LPP: variants seen among roughly 807,000 people sequenced by gnomAD.
LPP encodes the protein LIM domain containing preferred translocation partner in lipoma, also known as lipoma-preferred partner.
Under a neutral mutation model 60.4 loss-of-function variants are expected in LPP, and 38 were observed. The observed-to-expected ratio is 0.63, with a 90% CI of 0.49 to 0.83. The LOEUF is 0.83. Among genes scored for constraint, LPP ranks in the 40% least tolerant of loss-of-function variants. The pLI, the probability that LPP is intolerant of heterozygous loss-of-function variation, is 0.00. For synonymous variants in LPP, 328 were observed against 290.8 expected, an observed-to-expected ratio of 1.13 and a Z score of -1.30; for missense variants, 902 against 783.6, an observed-to-expected ratio of 1.15 and a Z score of -1.80.
At chr3:188,740,628 A>C (rs1226478714) in intron 8 of LPP, among the ~76,000 whole-genome samples, 1 of 151,854 alleles carries the variant, frequency 6.6e-6, no homozygotes, top group African/African-American at 2.4e-5. Context: ...ATAAGCCTGA[A>C]CTCATAGGGT....
chr3:188,471,452 G>A (rs1261955684), intron 4 of LPP, among the ~76,000 whole-genome samples: 2 of 152,212 alleles, frequency 1.3e-5, no homozygotes, highest in African/African-American at 4.8e-5. Context: ...ATGCAGAGCA[G>A]TAAATGAATT....
intron 2 of LPP, among the ~76,000 whole-genome samples, chr3:188,330,845 A>C (rs959018799): frequency 3.1e-5 from 3 of 96,374 alleles, no homozygotes; most frequent in African/African-American, 7.9e-5. Context: ...GTCAGTAAGT[A>C]AGTAAGTAAG....
intron 3 of LPP, among the ~76,000 whole-genome samples, chr3:188,353,111 C>T (rs1766423209): frequency 6.6e-6 from 1 of 152,096 alleles, no homozygotes; most frequent in South Asian, 2.1e-4. Context: ...TTTTGGAGTA[C>T]TGTATAATGT....
At chr3:188,604,535 T>C (rs1374186300) in intron 6 of LPP, among the ~76,000 whole-genome samples, 1 of 152,072 alleles carries the variant, frequency 6.6e-6, no homozygotes, top group African/African-American at 2.4e-5. Flanking sequence ...CATTAAACTA[T>C]TTAGAGGTGG....
intron 9 of LPP, among the ~76,000 whole-genome samples, chr3:188,785,530 TCC>T: frequency 6.1e-5 from 1 of 16,418 alleles, no homozygotes; most frequent in African/African-American, 4.4e-4. Context: ...ATATATATAT[TCC>T]ATCATATATA....
In LPP at chr3:188,352,922, T is replaced by C. The variant is rs978548378; in HGVS notation, c.-10+11203T>C. On this transcript the variant is annotated intron_variant, in intron 3 of 11. Transcript: ENST00000617246. This position sits in a 1 kb window ranked among gnomAD's most constrained non-coding sequence, Gnocchi z 4.4. ...ACATGTCCATCCACAGAAACTTTTC[T>C]GGGGGAGAATGTTTCTTATCAGATT... Among the ~76,000 whole-genome samples the C allele has an allele frequency of 3.3e-5, 5 of 152,162 alleles. No individual in the cohort carries two copies. The highest frequency in any genetic ancestry group is 7.4e-5 in the Non-Finnish European group (5 of 68,014).
At chr3:188,423,279 T>C (rs921808602) in intron 4 of LPP, among the ~76,000 whole-genome samples, 18 of 151,952 alleles carry the variant, frequency 1.2e-4, no homozygotes, top group Admixed American at 2.0e-4. Context: ...GGACATGAAC[T>C]CATTTTTATG....
chr3:188,452,521 T>C (rs1358978156), intron 4 of LPP, among the ~76,000 whole-genome samples: 1 of 152,184 alleles, frequency 6.6e-6, no homozygotes, highest in African/African-American at 2.4e-5. Context: ...TAGAGTCCTC[T>C]TCTTCTCATT....
At chr3:188,340,106 T>C (rs1224202330) in intron 2 of LPP, among the ~76,000 whole-genome samples, 1 of 152,200 alleles carries the variant, frequency 6.6e-6, no homozygotes, top group East Asian at 1.9e-4. Flanking sequence ...CAAATAGCAA[T>C]TGGGAGGCTA....
intron 1 of LPP, among the ~76,000 whole-genome samples, chr3:188,218,279 G>T (rs1003457663): frequency 6.6e-6 from 1 of 152,182 alleles, no homozygotes; most frequent in Non-Finnish European, 1.5e-5. Flanking sequence ...TTAACAGGCT[G>T]GGCTTTCCTG....
intron 9 of LPP, among the ~76,000 whole-genome samples, chr3:188,804,410 C>T (rs1465629801): frequency 6.6e-6 from 1 of 150,406 alleles, no homozygotes; most frequent in Admixed American, 6.6e-5. Context: ...TGCATGTGGT[C>T]ACTTATAAAT....
chr3:188,668,551 A>G (rs1466529640), intron 7 of LPP, among the ~76,000 whole-genome samples: 2 of 152,222 alleles, frequency 1.3e-5, no homozygotes, highest in African/African-American at 4.8e-5. Flanking sequence ...CCATTATAAC[A>G]GCCGAGATGT....
intron 9 of LPP, among the ~76,000 whole-genome samples, chr3:188,855,533 A>G (rs1413786273): frequency 6.6e-6 from 1 of 152,208 alleles, no homozygotes; most frequent in Non-Finnish European, 1.5e-5. Context: ...GAGGATAGTA[A>G]TGAAATTTGG....
chr3:188,392,896 C>T (rs1578563776), intron 3 of LPP, among the ~76,000 whole-genome samples: 1 of 152,138 alleles, frequency 6.6e-6, no homozygotes, highest in African/African-American at 2.4e-5. Flanking sequence ...AAATGTTGAG[C>T]CTTCACTGAA....
At chr3:188,849,002 G>A (rs1762138464) in intron 9 of LPP, among the ~76,000 whole-genome samples, 1 of 151,614 alleles carries the variant, frequency 6.6e-6, no homozygotes, top group South Asian at 2.1e-4. Flanking sequence ...GGGTGTTGCA[G>A]CAAGTAATAA....
intron 1 of LPP, among the ~76,000 whole-genome samples, chr3:188,222,060 T>C (rs1290926618): frequency 2.6e-5 from 4 of 152,224 alleles, no homozygotes; most frequent in Admixed American, 6.5e-5. Context: ...ATTTTTCTTA[T>C]GGTTGATGGA....
chr3:188,375,954 C>T (rs912312890), intron 3 of LPP, among the ~76,000 whole-genome samples: 2 of 152,172 alleles, frequency 1.3e-5, no homozygotes, highest in Middle Eastern at 3.2e-3. Flanking sequence ...GCCTTCATTT[C>T]ATTATTTACC....
At chr3:188,269,157 G>T (rs568049988) in intron 2 of LPP, among the ~76,000 whole-genome samples, 1 of 152,306 alleles carries the variant, frequency 6.6e-6, no homozygotes, top group Non-Finnish European at 1.5e-5. Context: ...ATACTGTTAA[G>T]GGTTAATAGG....
At chr3:188,563,859 C>T (rs1831439091) in intron 6 of LPP, among the ~76,000 whole-genome samples, 1 of 151,452 alleles carries the variant, frequency 6.6e-6, no homozygotes, top group Non-Finnish European at 1.5e-5. Flanking sequence ...TTGTTCAGAC[C>T]AAGCCAGACA....
Sources: gnomAD v4.1 joint callset for allele counts (sites outside exome capture counted in the v4.1 genomes callset) on GRCh38, gnomAD v4.1.1 for gene constraint, Gnocchi (gnomAD v3.1) non-coding constraint, MANE v1.5 for transcripts, NCBI Gene and HGNC (gene_info 2026-07-23, HGNC 2026-07-21) for gene names.